STX18: variants seen among roughly 807,000 people sequenced by gnomAD.
The protein encoded by STX18 is syntaxin-18.
STX18 carries 40 observed loss-of-function variants against 50.1 expected under a neutral mutation model. That is an observed-to-expected ratio of 0.80 (90% CI 0.62 to 1.04). The LOEUF (loss-of-function observed/expected upper bound fraction) is 1.04. Ranked by LOEUF, STX18 falls within the 50% of genes least tolerant of loss-of-function variation. The pLI is 0.00. For synonymous variants in STX18, 158 were observed against 151.8 expected (o/e 1.04, Z -0.30); for missense variants, 410 against 415.8 (o/e 0.99, Z 0.12).
intron 7 of STX18, among the ~76,000 whole-genome samples, chr4:4,433,739 A>C (rs1355765989): frequency 6.6e-6 from 1 of 152,026 alleles, no homozygotes; most frequent in Non-Finnish European, 1.5e-5. Context: ...ACATGCCAGG[A>C]GTGGATAGAG....
At chr4:4,451,650 G>T (rs562656562) in intron 5 of STX18, among the ~76,000 whole-genome samples, 25 of 152,156 alleles carry the variant, frequency 1.6e-4, no homozygotes, top group African/African-American at 5.8e-4. Context: ...TGTGACTTTT[G>T]TAACTGTTTT....
In STX18 at chr4:4,420,768, C is replaced by G; in HGVS notation, c.912+96G>C. ...GATCAGCCCCGTGAGCTCTGCCCAG[C>G]AAGGCTCCTGGGCAGCTGTGCCGGC... is the stretch of plus-strand genomic sequence containing the variant. On this transcript the variant is annotated intron_variant, in intron 10 of 10. Transcript: ENST00000306200. The surrounding 1 kb of genome is among the most constrained non-coding windows in gnomAD (Gnocchi z 4.3). 3 of 1,151,300 alleles carry G rather than the reference C, an allele frequency of 2.6e-6. No individual in the cohort carries two copies. Among genetic ancestry groups the G allele is most frequent in the Non-Finnish European group, 3.9e-6 (3 of 768,120 alleles). 71.3% of individuals were successfully genotyped at this position (1,151,300 alleles called of 1,614,324 possible).
chr4:4,536,256 C>T (rs560127130), intron 1 of STX18, among the ~76,000 whole-genome samples: 1 of 152,346 alleles, frequency 6.6e-6, no homozygotes, highest in South Asian at 2.1e-4. Flanking sequence ...CTGAGAGAGA[C>T]AGTAGATTAA....
At chr4:4,435,756 T>G (rs764273974) in intron 6 of STX18, among the ~76,000 whole-genome samples, 6 of 152,132 alleles carry the variant, frequency 3.9e-5, no homozygotes, top group Non-Finnish European at 7.3e-5. Context: ...AAAGGGAGCG[T>G]AGGAACATTT....
chr4:4,476,316 G>T (rs1277968051), intron 1 of STX18, among the ~76,000 whole-genome samples: 1 of 152,184 alleles, frequency 6.6e-6, no homozygotes, highest in Non-Finnish European at 1.5e-5. Flanking sequence ...AAAAGGAAAG[G>T]AATGTAATAT....
At chr4:4,429,739 C>T (rs1725430196) in intron 7 of STX18, among the ~76,000 whole-genome samples, 1 of 152,188 alleles carries the variant, frequency 6.6e-6, no homozygotes. Flanking sequence ...CCTGGAACCT[C>T]CCCAGGGTCT....
Position 4,474,546 on chromosome 4 carries a change from C to G in STX18, c.169-2840G>C, listed in dbSNP as rs73796017. 7.8e-3 allele frequency among the ~76,000 whole-genome samples: 1,194 copies of G among 152,246 alleles called. 13 individuals carry two copies. Among genetic ancestry groups the G allele is most frequent in the African/African-American group, 0.027 (1,137 of 41,530 alleles). On this transcript the variant is annotated intron_variant, in intron 1 of 10. Transcript: ENST00000306200. Reference sequence around the variant, plus strand: ...GTTACATGACAACAGGGCATTAATGCAGCACATGAGTTAAGGTTGCTGATC... The same window carrying G: ...GTTACATGACAACAGGGCATTAATGGAGCACATGAGTTAAGGTTGCTGATC...
intron 1 of STX18, among the ~76,000 whole-genome samples, chr4:4,496,025 A>G (rs543343038): frequency 2.0e-5 from 3 of 152,172 alleles, no homozygotes; most frequent in African/African-American, 7.2e-5. Flanking sequence ...CAAGTAATGT[A>G]CCTTCATTAA....
At position 4,419,589 on chromosome 4, in the gene STX18, C is replaced by T. The variant is rs2108764219; in HGVS notation, c.*445G>A. 1 of 155,102 alleles carries T rather than the reference C, an allele frequency of 6.4e-6. No homozygotes were observed. Among genetic ancestry groups the T allele is most frequent in the Admixed American group, 6.4e-5 (1 of 15,588 alleles). 9.6% of individuals were successfully genotyped at this position (155,102 alleles called of 1,614,324 possible). On this transcript the variant is annotated 3_prime_UTR_variant, in exon 11 of 11. Transcript: ENST00000306200. ...AGACAGACAAGAAGCCACAAGGAAACAAAGAAGTAATCATTTGTTGAGAGA... is the reference window on the plus strand; with the variant it reads ...AGACAGACAAGAAGCCACAAGGAAATAAAGAAGTAATCATTTGTTGAGAGA...
intron 1 of STX18, 98 bp downstream of exon 1, chr4:4,541,699 A>G: frequency 7.1e-7 from 1 of 1,405,390 alleles, no homozygotes; most frequent in Non-Finnish European, 9.6e-7. Context: ...CACCCCCTTC[A>G]CACAATGCTT....
intron 1 of STX18, chr4:4,481,503 C>T (rs1047021075): frequency 6.6e-6 from 1 of 152,172 alleles, no homozygotes; most frequent in African/African-American, 2.4e-5. Context: ...ACACAGCTTG[C>T]TGTTCAGTTA....
chr4:4,483,026 T>C (rs1472199046), intron 1 of STX18, among the ~76,000 whole-genome samples: 1 of 152,114 alleles, frequency 6.6e-6, no homozygotes, highest in African/African-American at 2.4e-5. Context: ...AGAGAAAACA[T>C]GTGCACAAAA....
intron 1 of STX18, among the ~76,000 whole-genome samples, chr4:4,529,736 T>A (rs996915295): frequency 1.3e-5 from 2 of 152,202 alleles, no homozygotes; most frequent in Non-Finnish European, 2.9e-5. Context: ...TGAACCTCGG[T>A]TTCTTCATGA....
At chr4:4,517,795 G>C (rs1302252851) in intron 1 of STX18, among the ~76,000 whole-genome samples, 1 of 103,494 alleles carries the variant, frequency 9.7e-6, no homozygotes, top group Non-Finnish European at 2.0e-5. Context: ...TTTTTTTTTT[G>C]AGATGGAGTC....
chr4:4,476,287 T>C (rs1728171775), intron 1 of STX18: 1 of 152,230 alleles, frequency 6.6e-6, no homozygotes, highest in Non-Finnish European at 1.5e-5. Flanking sequence ...AAAACAAGAA[T>C]TGAACTGTAG....
In STX18 at chr4:4,447,592, C is replaced by CA. The variant is rs34300930; in HGVS notation, c.498-9084dup. 7.2e-3 allele frequency among the ~76,000 whole-genome samples: 329 copies of CA among 45,910 alleles called. 59 individuals are homozygous for CA. The highest frequency in any genetic ancestry group is 0.011 in the East Asian group (9 of 854). The allele number at this position is 45,910 out of a possible 152,430, so 30.1% of individuals were successfully genotyped here. On this transcript the variant is annotated intron_variant, in intron 5 of 10. Transcript: ENST00000306200. ...GGCGACAGAGCGAGACTCCGTCTCA[C>CA]AAAAAAAAAAAAAAAAAAAAAAAAA...
At chr4:4,529,884 C>T (rs917002368) in intron 1 of STX18, among the ~76,000 whole-genome samples, 7 of 152,138 alleles carry the variant, frequency 4.6e-5, no homozygotes, top group Admixed American at 1.3e-4. Context: ...GAAACTAAGA[C>T]ATCAATGCAA....
intron 1 of STX18, among the ~76,000 whole-genome samples, chr4:4,526,152 G>A (rs1318444663): frequency 6.6e-6 from 1 of 152,160 alleles, no homozygotes; most frequent in African/African-American, 2.4e-5. Context: ...AAGTAATGAT[G>A]AAAGCAACAT....
intron 1 of STX18, among the ~76,000 whole-genome samples, chr4:4,538,160 A>T (rs1335827412): frequency 1.3e-5 from 2 of 151,990 alleles, no homozygotes; most frequent in Non-Finnish European, 2.9e-5. Context: ...TACAGATTCT[A>T]CTGTTACTAT....
Sources: allele counts gnomAD v4.1 joint callset (sites outside exome capture counted in the v4.1 genomes callset), GRCh38; gene constraint gnomAD v4.1.1; non-coding constraint Gnocchi (gnomAD v3.1); transcripts MANE v1.5; gene names NCBI Gene and HGNC (gene_info 2026-07-23, HGNC 2026-07-21).